The following REC114 variants were observed in gnomAD, a reference collection of about 807,000 sequenced individuals.
REC114 encodes the protein REC114 meiotic recombination protein.
Under a neutral mutation model 31.3 loss-of-function variants are expected in REC114, and 27 were observed. The observed-to-expected ratio is 0.86, with a 90% CI of 0.64 to 1.19. The LOEUF is 1.19. Ranked by LOEUF, REC114 falls within the 50% of genes most tolerant of loss-of-function variation. The probability of loss-of-function intolerance (pLI) is 0.00; values close to 1 mark genes in which losing one functional copy is unlikely to be tolerated. For synonymous variants in REC114, 134 were observed against 127.7 expected, an observed-to-expected ratio of 1.05 and a Z score of -0.33; for missense variants, 344 against 326.9, an observed-to-expected ratio of 1.05 and a Z score of -0.40.
chr15:73,475,398 T>G (rs1247441720), intron 2 of REC114, among the ~76,000 whole-genome samples: 2 of 152,204 alleles, frequency 1.3e-5, no homozygotes, highest in African/African-American at 4.8e-5. Context: ...ACCACAGATA[T>G]GATAGTGATC....
At chr15:73,464,791 C>A (rs1893035650) in intron 1 of REC114, among the ~76,000 whole-genome samples, 1 of 152,192 alleles carries the variant, frequency 6.6e-6, no homozygotes, top group Admixed American at 6.5e-5. Context: ...CTTAGTACCT[C>A]CTTTCTCCTG....
chr15:73,536,769 T>G (rs1478984570), intron 2 of REC114, among the ~76,000 whole-genome samples: 1 of 152,214 alleles, frequency 6.6e-6, no homozygotes, highest in African/African-American at 2.4e-5. Context: ...CAAATAAAAG[T>G]AAGATGTTCT....
intron 2 of REC114, among the ~76,000 whole-genome samples, chr15:73,482,299 A>G (rs965804924): frequency 1.4e-4 from 22 of 152,134 alleles, no homozygotes; most frequent in Non-Finnish European, 1.5e-4. Flanking sequence ...CCTCACGATA[A>G]TAAGTGAGTT....
At chr15:73,555,459 C>T (rs985260012) in intron 4 of REC114, among the ~76,000 whole-genome samples, 6 of 152,166 alleles carry the variant, frequency 3.9e-5, no homozygotes, top group African/African-American at 9.7e-5. Context: ...ATGTCCTACC[C>T]GAGAACAACT....
At chr15:73,465,773 A>C (rs1410256740) in intron 1 of REC114, among the ~76,000 whole-genome samples, 1 of 152,232 alleles carries the variant, frequency 6.6e-6, no homozygotes. Flanking sequence ...ATGCCAAATA[A>C]ATAGGAAAAA....
chr15:73,450,943 C>A (rs917899322), intron 1 of REC114, among the ~76,000 whole-genome samples: 8 of 152,102 alleles, frequency 5.3e-5, no homozygotes, highest in Admixed American at 1.3e-4. Flanking sequence ...GCAATGAAAA[C>A]AAAGACAAAA....
intron 2 of REC114, among the ~76,000 whole-genome samples, chr15:73,493,561 T>C (rs866943202): frequency 6.6e-6 from 1 of 152,190 alleles, no homozygotes; most frequent in Non-Finnish European, 1.5e-5. Context: ...ATGTCTCATA[T>C]GTAGAGGCCT....
chr15:73,542,344 GA>G (rs11315254), intron 3 of REC114, among the ~76,000 whole-genome samples: 131,272 of 141,040 alleles, frequency 0.93, 61,383 homozygotes, highest in South Asian at 0.99. Context: ...AAAAAAAAAA[GA>G]AAAAAAAAAA....
At chr15:73,472,123 TAAAAC>T (rs781660073) in intron 1 of REC114, among the ~76,000 whole-genome samples, 52 of 152,334 alleles carry the variant, frequency 3.4e-4, no homozygotes, top group Non-Finnish European at 4.7e-4. Flanking sequence ...TTACATTTCT[TAAAAC>T]AAAACATTAA....
intron 2 of REC114, among the ~76,000 whole-genome samples, chr15:73,534,356 T>C (rs1368401261): frequency 8.5e-5 from 13 of 152,180 alleles, no homozygotes; most frequent in African/African-American, 1.7e-4. Context: ...ATATCACCAC[T>C]GATCCCACAG....
chr15:73,467,776 G>C, intron 1 of REC114, among the ~76,000 whole-genome samples: 1 of 152,164 alleles, frequency 6.6e-6, no homozygotes, highest in Non-Finnish European at 1.5e-5. Flanking sequence ...AAACTTAGTG[G>C]CTTAAAACAA....
chr15:73,555,703 T>C (rs1211653725), intron 4 of REC114, among the ~76,000 whole-genome samples: 1 of 152,006 alleles, frequency 6.6e-6, no homozygotes, highest in East Asian at 1.9e-4. Flanking sequence ...GTCTAGTACG[T>C]AGGAGGTATA....
At chr15:73,468,571 C>T (rs1893092683) in intron 1 of REC114, among the ~76,000 whole-genome samples, 1 of 151,896 alleles carries the variant, frequency 6.6e-6, no homozygotes, top group South Asian at 2.1e-4. Flanking sequence ...TGTCTGATTA[C>T]AGTGGTAAGA....
intron 2 of REC114, among the ~76,000 whole-genome samples, chr15:73,506,379 T>C (rs1224637940): frequency 6.6e-6 from 1 of 152,190 alleles, no homozygotes; most frequent in Non-Finnish European, 1.5e-5. Flanking sequence ...GAGGTGGCAT[T>C]ATACCTAACT....
At chr15:73,455,451 TTTAA>T (rs1481496179) in intron 1 of REC114, among the ~76,000 whole-genome samples, 3 of 152,108 alleles carry the variant, frequency 2.0e-5, no homozygotes, top group Non-Finnish European at 4.4e-5. Context: ...TCTATAGCTG[TTTAA>T]TTACAGAGAA....
chr15:73,533,229 GAC>G (rs1894108927), intron 2 of REC114, among the ~76,000 whole-genome samples: 1 of 63,700 alleles, frequency 1.6e-5, no homozygotes, highest in Non-Finnish European at 3.1e-5. Flanking sequence ...CCAATTAAAA[GAC>G]ACAGACTGGC....
chr15:73,474,609 A>T (rs946429234), intron 2 of REC114, among the ~76,000 whole-genome samples: 1 of 152,228 alleles, frequency 6.6e-6, no homozygotes, highest in African/African-American at 2.4e-5. Flanking sequence ...AATATTTACT[A>T]TCTACATGGG....
chr15:73,492,619 A>G (rs1214345157), intron 2 of REC114, among the ~76,000 whole-genome samples: 1 of 152,158 alleles, frequency 6.6e-6, no homozygotes, highest in East Asian at 1.9e-4. Flanking sequence ...TGTAGTCTGA[A>G]ATTTTGCATT....
At chr15:73,535,869 C>G (rs1019589855) in intron 2 of REC114, among the ~76,000 whole-genome samples, 1 of 151,850 alleles carries the variant, frequency 6.6e-6, no homozygotes, top group African/African-American at 2.4e-5. Context: ...AGAGATAACA[C>G]CGCATATCTA....
Sources: allele counts gnomAD v4.1 joint callset (sites outside exome capture counted in the v4.1 genomes callset), GRCh38; gene constraint gnomAD v4.1.1; transcripts MANE v1.5; gene names NCBI Gene and HGNC (gene_info 2026-07-23, HGNC 2026-07-21).